The following BMERB1 variants were observed in gnomAD, a reference collection of about 807,000 sequenced individuals.
The protein encoded by BMERB1 is bMERB domain-containing protein 1.
Under a neutral mutation model 23.6 loss-of-function variants are expected in BMERB1, and 12 were observed. The ratio of observed to expected loss-of-function variants is 0.51; its 90% CI spans 0.33 to 0.82. The LOEUF (loss-of-function observed/expected upper bound fraction) is 0.82. Ranked by LOEUF, BMERB1 falls within the 40% of genes least tolerant of loss-of-function variation. BMERB1 has a pLI of 0.03. For synonymous variants in BMERB1, 122 were observed against 96.6 expected (o/e 1.26, Z -1.54); for missense variants, 247 against 255.4 (o/e 0.97, Z 0.22).
intron 4 of BMERB1, 125 bp downstream of exon 4, chr16:15,581,456 T>G: frequency 1.5e-6 from 1 of 675,870 alleles, no homozygotes; most frequent in Non-Finnish European, 2.4e-6. Flanking sequence ...TGATCCACAG[T>G]CTCTGGACAC....
chr16:15,435,161 C>G (rs1259415428), intron 1 of BMERB1, among the ~76,000 whole-genome samples: 2 of 152,200 alleles, frequency 1.3e-5, no homozygotes, highest in African/African-American at 2.4e-5. Flanking sequence ...CGCCCACGTC[C>G]CTGGAGAGGG....
intron 2 of BMERB1, among the ~76,000 whole-genome samples, chr16:15,519,831 C>G (rs1397369778): frequency 6.6e-6 from 1 of 152,154 alleles, no homozygotes; most frequent in Non-Finnish European, 1.5e-5. Context: ...CAGCCCCTGC[C>G]TGTTCTTCCT....
chr16:15,567,741 C>T (rs2030615706), intron 2 of BMERB1, among the ~76,000 whole-genome samples: 1 of 152,112 alleles, frequency 6.6e-6, no homozygotes, highest in South Asian at 2.1e-4. Flanking sequence ...CCAGCCTGGG[C>T]AACAGAGTGA....
chr16:15,445,338 A>T (rs2050980104), intron 1 of BMERB1, among the ~76,000 whole-genome samples: 1 of 152,172 alleles, frequency 6.6e-6, no homozygotes, highest in African/African-American at 2.4e-5. Context: ...AGTAAATGTT[A>T]ATTATTATAT....
At chr16:15,576,553 A>G (rs1309325304) in intron 3 of BMERB1, among the ~76,000 whole-genome samples, 2 of 152,164 alleles carry the variant, frequency 1.3e-5, no homozygotes, top group Non-Finnish European at 2.9e-5. Flanking sequence ...AGGGCATTAC[A>G]TTCATTTCCC....
At chr16:15,487,238 C>T (rs1000046282) in intron 1 of BMERB1, among the ~76,000 whole-genome samples, 1 of 152,060 alleles carries the variant, frequency 6.6e-6, no homozygotes, top group African/African-American at 2.4e-5. Flanking sequence ...TTCTAAACAG[C>T]CTTATATAAA....
At chr16:15,525,540 A>C (rs2051897403) in intron 2 of BMERB1, among the ~76,000 whole-genome samples, 1 of 152,042 alleles carries the variant, frequency 6.6e-6, no homozygotes, top group South Asian at 2.1e-4. Context: ...CCCTGCCTCT[A>C]CTAAAAATAC....
In BMERB1 at chr16:15,519,253, C is replaced by T. The variant is rs551637780; in HGVS notation, c.230+3825C>T. Among the ~76,000 whole-genome samples, 7 of 152,232 alleles carry T rather than the reference C, an allele frequency of 4.6e-5. No individual in the cohort carries two copies. In the South Asian group the frequency reaches 1.0e-3, roughly 23 times the overall value. On this transcript the variant is annotated intron_variant, in intron 2 of 5. Coordinates refer to ENST00000300006, the MANE Select transcript of BMERB1 (RefSeq NM_033201.3). The stretch of plus-strand genomic sequence containing the variant: ...CCCGGTGGCCGTAGTGTAATAGCCG[C>T]GGTGAGATTTGTTTTGTCACACCTG...
chr16:15,444,123 G>GTTTTTTTTTTTTTTTTTTTTTTTTTTTTT lies in BMERB1; in HGVS notation c.106+9391_106+9392insTTTTTTTTTTTTTTTTTTTTTTTTTTTTT, dbSNP rs150793082. 1.5e-3 allele frequency among the ~76,000 whole-genome samples: 55 copies of GTTTTTTTTTTTTTTTTTTTTTTTTTTTTT among 35,620 alleles called. 11 individuals carry two copies. Among genetic ancestry groups the GTTTTTTTTTTTTTTTTTTTTTTTTTTTTT allele is most frequent in the East Asian group, 7.2e-3 (4 of 556 alleles). 23.4% of individuals were successfully genotyped at this position (35,620 alleles called of 152,430 possible). A position where few individuals can be genotyped will look rare whatever the true frequency, so the allele number is the denominator to read the frequency against. On this transcript the variant is annotated intron_variant, in intron 1 of 5. Coordinates refer to ENST00000300006, the MANE Select transcript of BMERB1 (RefSeq NM_033201.3). ...AGGCCAGGGTCCAGGCACCAGCTTTGTTTTTTTTTTTTTTTTTTTTTTTTT... is the reference window on the plus strand; with the variant it reads ...AGGCCAGGGTCCAGGCACCAGCTTTGTTTTTTTTTTTTTTTTTTTTTTTTTTTTTTTTTTTTTTTTTTTTTTTTTTTTTT...
chr16:15,478,871 C>T (rs147528545), intron 1 of BMERB1, among the ~76,000 whole-genome samples: 1 of 152,272 alleles, frequency 6.6e-6, no homozygotes, highest in African/African-American at 2.4e-5. Flanking sequence ...TGTCTTTGAG[C>T]TCTTCTGGAT....
chr16:15,498,780 C>G (rs2051499494), intron 1 of BMERB1, among the ~76,000 whole-genome samples: 1 of 152,210 alleles, frequency 6.6e-6, no homozygotes, highest in South Asian at 2.1e-4. Context: ...TTTTGTCCCC[C>G]AGGGGATACT....
chr16:15,492,626 A>G (rs1254351510), intron 1 of BMERB1, among the ~76,000 whole-genome samples: 1 of 152,156 alleles, frequency 6.6e-6, no homozygotes, highest in African/African-American at 2.4e-5. Flanking sequence ...ATGTGAAGTG[A>G]TGAGAATGGT....
At chr16:15,571,098 C>G (rs1332694449) in intron 3 of BMERB1, among the ~76,000 whole-genome samples, 1 of 151,398 alleles carries the variant, frequency 6.6e-6, no homozygotes, top group Non-Finnish European at 1.5e-5. Flanking sequence ...GAATGCCTAA[C>G]CTCCTGGGCA....
At chr16:15,577,249 A>G (rs1234871482) in intron 3 of BMERB1, 3 of 152,188 alleles carry the variant, frequency 2.0e-5, no homozygotes, top group African/African-American at 7.2e-5. Flanking sequence ...AGCTCCCTTG[A>G]CTATGTCTAC....
intron 1 of BMERB1, among the ~76,000 whole-genome samples, chr16:15,466,853 G>C (rs1294165815): frequency 6.6e-6 from 1 of 152,090 alleles, no homozygotes; most frequent in Non-Finnish European, 1.5e-5. Flanking sequence ...TATAGTTACA[G>C]TTACCTTGCC....
chr16:15,487,891 T>C (rs548563342), intron 1 of BMERB1, among the ~76,000 whole-genome samples: 1 of 152,202 alleles, frequency 6.6e-6, no homozygotes, highest in Non-Finnish European at 1.5e-5. Flanking sequence ...GAATGAGTAG[T>C]GAGGATGACC....
intron 1 of BMERB1, among the ~76,000 whole-genome samples, chr16:15,507,006 G>A (rs2150946215): frequency 1.3e-5 from 2 of 152,318 alleles, no homozygotes; most frequent in South Asian, 4.1e-4. Flanking sequence ...GTTGATATGA[G>A]CTAGATCATG....
chr16:15,457,591 C>G (rs2051096690), intron 1 of BMERB1, among the ~76,000 whole-genome samples: 2 of 152,180 alleles, frequency 1.3e-5, no homozygotes. Context: ...CTCCACGTGC[C>G]CAGCCAGGAC....
At chr16:15,514,793 A>AT (rs1428619942) in intron 1 of BMERB1, among the ~76,000 whole-genome samples, 3 of 147,528 alleles carry the variant, frequency 2.0e-5, no homozygotes, top group African/African-American at 7.6e-5. Flanking sequence ...CAAAAAACAA[A>AT]AACAAGGCCG....
Sources: gnomAD v4.1 joint callset for allele counts (sites outside exome capture counted in the v4.1 genomes callset) on GRCh38, gnomAD v4.1.1 for gene constraint, MANE v1.5 for transcripts, NCBI Gene and HGNC (gene_info 2026-07-23, HGNC 2026-07-21) for gene names.